ELFN1: variants seen among roughly 807,000 people sequenced by gnomAD.
ELFN1 encodes protein ELFN1.
Under a neutral mutation model 7.6 loss-of-function variants are expected in ELFN1, and 6 were observed. That is an observed-to-expected ratio of 0.79 (90% CI 0.43 to 1.56). The LOEUF is 1.56. Ranked by LOEUF, ELFN1 falls within the 40% of genes most tolerant of loss-of-function variation. The pLI is 0.01. For missense variants in ELFN1, 1,169 were observed against 1,232.2 expected, an observed-to-expected ratio of 0.95 and a Z score of 0.77; for synonymous variants, 657 against 588.1, an observed-to-expected ratio of 1.12 and a Z score of -1.70.
intron 1 of ELFN1, among the ~76,000 whole-genome samples, chr7:1,678,850 G>A (rs1213757741): frequency 6.6e-6 from 1 of 152,234 alleles, no homozygotes; most frequent in African/African-American, 2.4e-5. Context: ...CAGCGAAATC[G>A]GGAGTGTGGG....
Position 1,745,859 on chromosome 7 carries a change from C to A in ELFN1, c.1263C>A (p.Thr421=). 1 of 1,591,504 alleles carries A rather than the reference C, an allele frequency of 6.3e-7. No homozygotes were observed. Residue 421 remains threonine, a synonymous_variant, in exon 4 of 4, where the codon ACC becomes ACA. Transcript: ENST00000424383. ...CCACGGCCACCCACTACATCATGAC[C>A]ATCCTGGGCTGCCTCTTCGGCATGG... ...SPSTATHYIM[T]ILGCLFGMVL... is the part of the protein sequence containing the mutation.
In ELFN1 at chr7:1,747,278, C is replaced by T. The variant is rs1463867701; in HGVS notation, c.*195C>T. The T allele has an allele frequency of 8.2e-6, 4 of 487,270 alleles. No homozygotes were observed. Among genetic ancestry groups the T allele is most frequent in the African/African-American group, 6.3e-5 (3 of 47,392 alleles). The allele number at this position is 487,270 out of a possible 1,614,324, so 30.2% of individuals were successfully genotyped here. A position where few individuals can be genotyped will look rare whatever the true frequency, so the allele number is the denominator to read the frequency against. On this transcript the variant is annotated 3_prime_UTR_variant, in exon 4 of 4. Coordinates refer to ENST00000424383, the MANE Select transcript of ELFN1 (RefSeq NM_001128636.4). ...CTCCTGTGGCCGGTCCTGGGATGCG[C>T]TTGTCGCCCCGGGTGGCACGTGTCC...
chr7:1,725,180 TG>T (rs1442449198), intron 3 of ELFN1, among the ~76,000 whole-genome samples: 1 of 152,142 alleles, frequency 6.6e-6, no homozygotes, highest in Non-Finnish European at 1.5e-5. Flanking sequence ...CAAAACCTGG[TG>T]GGTGCAGGCA....
rs776023219 is a variant in ELFN1, at chr7:1,746,227, C to T, written c.1631C>T (p.Pro544Leu). 1.5e-5 allele frequency: 23 copies of T among 1,561,614 alleles called. No homozygotes were observed. Among genetic ancestry groups the T allele is most frequent in the East Asian group, 7.2e-5 (3 of 41,638 alleles). The change falls in exon 4 of 4, where the codon CCG becomes CTG. Residue 544 changes from proline to leucine, a missense_variant. Physicochemically the swap from Pro to Leu is moderately conservative, Grantham distance 98 (BLOSUM62 -3). Coordinates refer to ENST00000424383, the MANE Select transcript of ELFN1 (RefSeq NM_001128636.4). ...PERRDCELGR[P>L]GPDSQSSVAE... ...CGCAGGGACTGTGAGCTGGGCCGGC[C>T]GGGCCCCGACAGCCAGAGTTCGGTG...
At chr7:1,702,086 G>C (rs765455218) in intron 2 of ELFN1, among the ~76,000 whole-genome samples, 29 of 152,048 alleles carry the variant, frequency 1.9e-4, no homozygotes, top group Admixed American at 2.0e-4. Context: ...AATAATATCT[G>C]AGTCACCATA....
chr7:1,743,239 G>T (rs1344230747), intron 3 of ELFN1, among the ~76,000 whole-genome samples: 1 of 152,206 alleles, frequency 6.6e-6, no homozygotes, highest in Admixed American at 6.5e-5. Flanking sequence ...CAGACACTAG[G>T]CAGATGGAGG....
At chr7:1,726,938 G>A (rs1027487996) in intron 3 of ELFN1, among the ~76,000 whole-genome samples, 4 of 152,154 alleles carry the variant, frequency 2.6e-5, no homozygotes, top group Admixed American at 6.5e-5. Flanking sequence ...TCTGAGGGTC[G>A]TTTTACAGGC....
intron 2 of ELFN1, chr7:1,693,146 C>G: frequency 2.8e-6 from 1 of 351,736 alleles, no homozygotes; most frequent in Non-Finnish European, 5.7e-6. Flanking sequence ...ACTGCCCATG[C>G]AGACCCCTAG....
rs1332812743 is a variant in ELFN1 at position 1,670,957 on chromosome 7, C to A, written c.-549+603C>A. 2.6e-5 allele frequency among the ~76,000 whole-genome samples: 4 copies of A among 151,154 alleles called. No homozygotes were observed. The highest frequency in any genetic ancestry group is 9.7e-5 in the African/African-American group (4 of 41,412). On this transcript the variant is annotated intron_variant, in intron 1 of 3. Coordinates refer to ENST00000424383, the MANE Select transcript of ELFN1 (RefSeq NM_001128636.4). The surrounding 1 kb of genome is among the most constrained non-coding windows in gnomAD (Gnocchi z 6.4). ...GGGGGTGGGGTGGGGGGCTTCGCTC[C>A]GAACTGAACTTACTGGGTGCTTTCC... is the stretch of plus-strand genomic sequence containing the variant.
At chr7:1,667,306 T>G (rs1451139449), upstream of ELFN1, among the ~76,000 whole-genome samples, 1 of 151,700 alleles carries the variant, frequency 6.6e-6, no homozygotes, top group Admixed American at 6.6e-5. The surrounding 1 kb of genome is among the most constrained non-coding windows in gnomAD (Gnocchi z 8.2). Context: ...TCCGCGCCCT[T>G]CCTCCCAACC....
chr7:1,730,270 G>T (rs1334754747), intron 3 of ELFN1, among the ~76,000 whole-genome samples: 2 of 152,234 alleles, frequency 1.3e-5, no homozygotes, highest in Non-Finnish European at 2.9e-5. Flanking sequence ...CATCCACTGG[G>T]GAGGGGGGCC....
intron 2 of ELFN1, among the ~76,000 whole-genome samples, chr7:1,706,681 C>A (rs1161055912): frequency 6.6e-6 from 1 of 152,244 alleles, no homozygotes; most frequent in East Asian, 1.9e-4. Flanking sequence ...GCAAGGACCA[C>A]TGTGAGGTTG....
chr7:1,675,908 G>C (rs973773629), intron 1 of ELFN1, among the ~76,000 whole-genome samples: 1 of 152,194 alleles, frequency 6.6e-6, no homozygotes, highest in Non-Finnish European at 1.5e-5. Context: ...CTGCCATCTC[G>C]ACCTCCACGG....
At chr7:1,718,935 G>T (rs1183955911) in intron 3 of ELFN1, among the ~76,000 whole-genome samples, 1 of 152,148 alleles carries the variant, frequency 6.6e-6, no homozygotes, top group African/African-American at 2.4e-5. Context: ...CACTCCAGGG[G>T]TTCTTAGGAT....
At chr7:1,698,979 G>A (rs1037035436) in intron 2 of ELFN1, among the ~76,000 whole-genome samples, 1 of 152,112 alleles carries the variant, frequency 6.6e-6, no homozygotes, top group Non-Finnish European at 1.5e-5. Flanking sequence ...CACTACCCTG[G>A]CTCCTTCCGG....
At chr7:1,699,930 G>C (rs140268094) in intron 2 of ELFN1, among the ~76,000 whole-genome samples, 15,734 of 152,124 alleles carry the variant, frequency 0.1, 850 homozygotes, top group Middle Eastern at 0.16. Flanking sequence ...GAACTCCTGA[G>C]CTCAGGTGAC....
intron 2 of ELFN1, among the ~76,000 whole-genome samples, chr7:1,694,747 G>A (rs916009836): frequency 4.6e-5 from 7 of 152,204 alleles, no homozygotes; most frequent in South Asian, 2.1e-4. Flanking sequence ...TGCCTGGCCC[G>A]CACAGCGGTC....
At chr7:1,713,637 G>T (rs1190783497) in intron 3 of ELFN1, among the ~76,000 whole-genome samples, 1 of 152,192 alleles carries the variant, frequency 6.6e-6, no homozygotes, top group Admixed American at 6.5e-5. Flanking sequence ...CGGTGGCTGT[G>T]ATAGGAGGCA....
chr7:1,693,636 C>T (rs1308020301), intron 2 of ELFN1: 24 of 471,220 alleles, frequency 5.1e-5, no homozygotes, highest in East Asian at 2.1e-4. Flanking sequence ...GTGCCCAGTC[C>T]GTGTGAACAC....
Sources: allele counts gnomAD v4.1 joint callset (sites outside exome capture counted in the v4.1 genomes callset), GRCh38; gene constraint gnomAD v4.1.1; non-coding constraint Gnocchi (gnomAD v3.1); transcripts MANE v1.5; gene names NCBI Gene and HGNC (gene_info 2026-07-23, HGNC 2026-07-21).